NELL1: variants seen among roughly 807,000 people sequenced by gnomAD.
NELL1 encodes the protein protein kinase C-binding protein NELL1.
Under a neutral mutation model 107.4 loss-of-function variants are expected in NELL1, and 76 were observed. The observed-to-expected ratio is 0.71, with a 90% confidence interval of 0.59 to 0.86. The LOEUF is 0.86. Among genes scored for constraint, NELL1 ranks in the 40% least tolerant of loss-of-function variants. The pLI is 0.00. For synonymous variants in NELL1, 353 were observed against 341.2 expected (o/e 1.03, Z -0.38); for missense variants, 1,024 against 1,005.5 (o/e 1.02, Z -0.25).
At chr11:21,239,958 C>A (rs1858310664) in intron 14 of NELL1, among the ~76,000 whole-genome samples, 1 of 151,960 alleles carries the variant, frequency 6.6e-6, no homozygotes, top group Admixed American at 6.6e-5. Context: ...GTGGGAGGTC[C>A]AAGAAAAGGA....
intron 16 of NELL1, among the ~76,000 whole-genome samples, chr11:21,552,259 C>T (rs967705289): frequency 3.3e-5 from 5 of 151,470 alleles, no homozygotes; most frequent in Admixed American, 6.6e-5. Flanking sequence ...GCACATTGTG[C>T]ACATGTACCC....
chr11:21,045,807 C>T (rs1236934638), intron 12 of NELL1, among the ~76,000 whole-genome samples: 1 of 152,066 alleles, frequency 6.6e-6, no homozygotes, highest in African/African-American at 2.4e-5. Flanking sequence ...GAATAACTGC[C>T]TTTTAAACAT....
At chr11:20,683,895 C>G (rs1854245782) in intron 2 of NELL1, among the ~76,000 whole-genome samples, 1 of 151,732 alleles carries the variant, frequency 6.6e-6, no homozygotes, top group Non-Finnish European at 1.5e-5. Flanking sequence ...CTCTTTATCA[C>G]TGATTTTGAG....
rs1857709228 is a variant in NELL1 at position 20,819,781 on chromosome 11, TTA to T, written c.336-27801_336-27800del. On this transcript the variant is annotated intron_variant, in intron 3 of 19. Transcript: ENST00000357134. ...AAGCCATGAGAATTTGTCAATATCT[TTA>T]CCCACTTTTTTGCAAAGGATTTGAA... Among the ~76,000 whole-genome samples, 4 of 152,324 alleles carry T rather than the reference TTA, an allele frequency of 2.6e-5. No homozygotes were observed. In the South Asian group the frequency reaches 8.3e-4, roughly 32 times the overall value.
chr11:21,332,030 T>A (rs910350750), intron 14 of NELL1, among the ~76,000 whole-genome samples: 1 of 152,022 alleles, frequency 6.6e-6, no homozygotes, highest in African/African-American at 2.4e-5. Flanking sequence ...AGGGCTCAGT[T>A]AGTTCTAGAA....
chr11:21,539,733 G>T (rs570775655), intron 16 of NELL1, among the ~76,000 whole-genome samples: 1 of 151,382 alleles, frequency 6.6e-6, no homozygotes, highest in Non-Finnish European at 1.5e-5. Flanking sequence ...GATACCCATA[G>T]ATAGCCCATA....
intron 14 of NELL1, among the ~76,000 whole-genome samples, chr11:21,360,192 C>T (rs1851041909): frequency 6.6e-6 from 1 of 151,954 alleles, no homozygotes; most frequent in Non-Finnish European, 1.5e-5. Context: ...GTTGTGTCAC[C>T]ATTATCATTC....
chr11:21,443,558 A>G (rs192777908), intron 15 of NELL1, among the ~76,000 whole-genome samples: 1 of 151,980 alleles, frequency 6.6e-6, no homozygotes, highest in African/African-American at 2.4e-5. Context: ...TTTTTTCAAA[A>G]TGGAAATGGG....
intron 13 of NELL1, among the ~76,000 whole-genome samples, chr11:21,148,788 G>C (rs936999090): frequency 6.6e-6 from 1 of 152,174 alleles, no homozygotes; most frequent in African/African-American, 2.4e-5. Context: ...TTGAGTTTCT[G>C]AGTTGTAGCA....
intron 12 of NELL1, among the ~76,000 whole-genome samples, chr11:21,077,045 C>T (rs1259492769): frequency 6.6e-6 from 1 of 152,038 alleles, no homozygotes; most frequent in African/African-American, 2.4e-5. Flanking sequence ...TGAACTAAGA[C>T]ACATGTCAAC....
intron 14 of NELL1, chr11:21,284,732 T>C: frequency 2.9e-6 from 1 of 348,382 alleles, no homozygotes; most frequent in East Asian, 7.5e-5. Context: ...AATGTGACAA[T>C]TTAGTCAATA....
At chr11:20,994,712 T>A (rs1482184702) in intron 12 of NELL1, among the ~76,000 whole-genome samples, 1 of 152,226 alleles carries the variant, frequency 6.6e-6, no homozygotes, top group African/African-American at 2.4e-5. Flanking sequence ...CATTTTATAT[T>A]ACAAGTGCCA....
intron 13 of NELL1, among the ~76,000 whole-genome samples, chr11:21,150,819 T>C (rs1000653128): frequency 6.6e-6 from 1 of 152,168 alleles, no homozygotes; most frequent in Non-Finnish European, 1.5e-5. Context: ...GGGTAATTTA[T>C]GAAGAAAGGA....
In NELL1 at chr11:21,020,947, C is replaced by T. The variant is rs1337197769; in HGVS notation, c.1300+60387C>T. ...AGTTGTTTGAACTGGTTCACTCTCA[C>T]GATAATCAGGAAAAAATCCTTCCTG... On this transcript the variant is annotated intron_variant, in intron 12 of 19. Coordinates refer to ENST00000357134, the MANE Select transcript of NELL1 (RefSeq NM_006157.5). Among the ~76,000 whole-genome samples the T allele has an allele frequency of 8.0e-5, 12 of 150,464 alleles. No homozygotes were observed. In the East Asian group the frequency reaches 1.2e-3, roughly 15 times the overall value.
At chr11:21,419,067 C>A (rs1852592725) in intron 15 of NELL1, among the ~76,000 whole-genome samples, 1 of 152,086 alleles carries the variant, frequency 6.6e-6, no homozygotes, top group South Asian at 2.1e-4. Context: ...TTCACATTTG[C>A]CTGTTTCAGG....
chr11:21,341,807 A>G (rs1011892293), intron 14 of NELL1, among the ~76,000 whole-genome samples: 6 of 152,254 alleles, frequency 3.9e-5, no homozygotes, highest in African/African-American at 1.2e-4. Context: ...TTAGAGCCTT[A>G]GAGCTTTTAG....
At chr11:21,494,606 G>T (rs7120499) in intron 15 of NELL1, among the ~76,000 whole-genome samples, 133,174 of 151,894 alleles carry the variant, frequency 0.88, 58,965 homozygotes, top group Non-Finnish European at 0.95. Flanking sequence ...GCGTGACTCA[G>T]CAACTTATTC....
chr11:20,875,096 T>C (rs1052897113), intron 4 of NELL1, among the ~76,000 whole-genome samples: 1 of 152,220 alleles, frequency 6.6e-6, no homozygotes, highest in Non-Finnish European at 1.5e-5. Context: ...TACTTTCGTC[T>C]CATGGTACAC....
At chr11:20,722,823 T>C (rs981386363) in intron 2 of NELL1, among the ~76,000 whole-genome samples, 2 of 152,206 alleles carry the variant, frequency 1.3e-5, no homozygotes. Flanking sequence ...CTCACACTGC[T>C]ATAAAGATAC....
Sources: allele counts gnomAD v4.1 joint callset (sites outside exome capture counted in the v4.1 genomes callset), GRCh38; gene constraint gnomAD v4.1.1; transcripts MANE v1.5; gene names NCBI Gene and HGNC (gene_info 2026-07-23, HGNC 2026-07-21).